Variants in PAPSS1 observed in about 807,000 individuals in gnomAD.
PAPSS1 encodes 3'-phosphoadenosine 5'-phosphosulfate synthase 1.
A neutral mutation model predicts 72.0 loss-of-function variants in PAPSS1; 50 were observed. The ratio of observed to expected loss-of-function variants is 0.69; its 90% confidence interval spans 0.55 to 0.88. The LOEUF (loss-of-function observed/expected upper bound fraction) is 0.88. Among genes scored for constraint, PAPSS1 ranks in the 40% least tolerant of loss-of-function variants. The probability of loss-of-function intolerance (pLI) is 0.00; values close to 1 mark genes in which losing one functional copy is unlikely to be tolerated. For synonymous variants in PAPSS1, 261 were observed against 263.6 expected, an observed-to-expected ratio of 0.99 and a Z score of 0.09; for missense variants, 657 against 782.2, an observed-to-expected ratio of 0.84 and a Z score of 1.91.
intron 2 of PAPSS1, 48 bp downstream of exon 2, chr4:107,701,123 T>C: frequency 8.1e-7 from 1 of 1,239,738 alleles, no homozygotes; most frequent in Non-Finnish European, 1.2e-6. Context: ...CAAGGTTACC[T>C]ATATGCACTG....
intron 4 of PAPSS1, among the ~76,000 whole-genome samples, chr4:107,682,370 G>C (rs1302692259): frequency 6.6e-6 from 1 of 151,912 alleles, no homozygotes; most frequent in Non-Finnish European, 1.5e-5. Context: ...TAAAAAATGT[G>C]ACACCAAATA....
intron 1 of PAPSS1, among the ~76,000 whole-genome samples, chr4:107,708,941 G>C (rs1337003286): frequency 3.3e-5 from 5 of 152,196 alleles, no homozygotes; most frequent in Non-Finnish European, 1.5e-5. Context: ...GTGGCCAACT[G>C]TTCAAACCAT....
chr4:107,716,522 A>C (rs1723642635), intron 1 of PAPSS1, among the ~76,000 whole-genome samples: 1 of 152,182 alleles, frequency 6.6e-6, no homozygotes, highest in African/African-American at 2.4e-5. Flanking sequence ...CTCCACTGTA[A>C]GGCAGGTCCA....
chr4:107,632,352 C>T (rs940976681), intron 10 of PAPSS1, among the ~76,000 whole-genome samples: 1 of 151,708 alleles, frequency 6.6e-6, no homozygotes, highest in African/African-American at 2.4e-5. Context: ...GATATATACA[C>T]ACTTATAATT....
intron 5 of PAPSS1, among the ~76,000 whole-genome samples, chr4:107,666,564 T>C (rs1387483690): frequency 6.6e-6 from 1 of 152,172 alleles, no homozygotes; most frequent in Non-Finnish European, 1.5e-5. Context: ...AATTCTTAAC[T>C]TTATGTAAAG....
At chr4:107,622,210 C>T (rs956916129) in intron 11 of PAPSS1, among the ~76,000 whole-genome samples, 1 of 152,168 alleles carries the variant, frequency 6.6e-6, no homozygotes, top group Admixed American at 6.5e-5. Context: ...AAAAAAATGT[C>T]TTCAACGTAG....
At chr4:107,627,984 T>C (rs1726140256) in intron 11 of PAPSS1, among the ~76,000 whole-genome samples, 2 of 152,228 alleles carry the variant, frequency 1.3e-5, no homozygotes, top group Admixed American at 1.3e-4. Context: ...GTAAAAATGT[T>C]CTAGTTTGTT....
At chr4:107,653,113 G>A (rs1726896780) in intron 9 of PAPSS1, among the ~76,000 whole-genome samples, 1 of 144,414 alleles carries the variant, frequency 6.9e-6, no homozygotes, top group Admixed American at 7.1e-5. Flanking sequence ...GAATATATAT[G>A]AATATATACA....
At chr4:107,647,600 A>T (rs1726728700) in intron 9 of PAPSS1, among the ~76,000 whole-genome samples, 1 of 152,242 alleles carries the variant, frequency 6.6e-6, no homozygotes, top group Non-Finnish European at 1.5e-5. Flanking sequence ...TTTGATGAGA[A>T]AATCATCCAT....
intron 5 of PAPSS1, among the ~76,000 whole-genome samples, chr4:107,668,500 T>C (rs1478579258): frequency 2.6e-5 from 4 of 152,230 alleles, no homozygotes; most frequent in Middle Eastern, 6.8e-3. Context: ...TTTGAGTCAG[T>C]GGGCTAGGAA....
chr4:107,680,058 A>T (rs1727761659), intron 5 of PAPSS1, among the ~76,000 whole-genome samples: 1 of 152,166 alleles, frequency 6.6e-6, no homozygotes, highest in Non-Finnish European at 1.5e-5. Flanking sequence ...AAAGAAACAG[A>T]GCATCTAAAA....
chr4:107,713,136 G>A (rs923603818), intron 1 of PAPSS1, among the ~76,000 whole-genome samples: 1 of 151,878 alleles, frequency 6.6e-6, no homozygotes, highest in African/African-American at 2.4e-5. Context: ...TTTTAGTAGA[G>A]ACGAGGTTTC....
chr4:107,657,556 T>C (rs1030652802), intron 6 of PAPSS1, among the ~76,000 whole-genome samples: 1 of 152,050 alleles, frequency 6.6e-6, no homozygotes, highest in African/African-American at 2.4e-5. Context: ...ACCCAGTCTC[T>C]ACTAAAAATA....
At chr4:107,633,282 T>C (rs975745169) in intron 10 of PAPSS1, among the ~76,000 whole-genome samples, 2 of 152,204 alleles carry the variant, frequency 1.3e-5, no homozygotes, top group African/African-American at 2.4e-5. Context: ...ATTTATCTCA[T>C]AGAAGTTTTA....
Position 107,621,928 on chromosome 4 carries a change from G to A in PAPSS1, c.1737-7541C>T, listed in dbSNP as rs112149986. ...TAGGCGTGAGCCACCGCGCCCAGCC[G>A]GAAGACAGGTTTTTCAGAGTGAGCA... is the stretch of plus-strand genomic sequence containing the variant. On this transcript the variant is annotated intron_variant, in intron 11 of 11. Coordinates refer to ENST00000265174, the MANE Select transcript of PAPSS1 (RefSeq NM_005443.5). 8.7e-3 allele frequency among the ~76,000 whole-genome samples: 1,314 copies of A among 151,874 alleles called. 20 individuals carry two copies. The highest frequency in any genetic ancestry group is 0.028 in the African/African-American group (1,178 of 41,428).
At chr4:107,662,995 C>A (rs1005331395) in intron 5 of PAPSS1, among the ~76,000 whole-genome samples, 5 of 152,058 alleles carry the variant, frequency 3.3e-5, no homozygotes, top group African/African-American at 1.2e-4. Flanking sequence ...TCCAAAGATG[C>A]CTTGAGGCAT....
intron 5 of PAPSS1, among the ~76,000 whole-genome samples, chr4:107,664,930 C>A (rs1212080495): frequency 6.6e-6 from 1 of 152,136 alleles, no homozygotes; most frequent in Non-Finnish European, 1.5e-5. Context: ...AGAAGCATTT[C>A]ATAAAACTCT....
chr4:107,671,368 C>T (rs951126108), intron 5 of PAPSS1, among the ~76,000 whole-genome samples: 1 of 150,906 alleles, frequency 6.6e-6, no homozygotes, highest in Non-Finnish European at 1.5e-5. Context: ...CTAAATAGGG[C>T]CCCAAAGAAG....
At chr4:107,656,775 T>G in intron 7 of PAPSS1, 121 bp downstream of exon 7, 1 of 692,452 alleles carries the variant, frequency 1.4e-6, no homozygotes, top group Non-Finnish European at 2.6e-6. Flanking sequence ...TATAACTTAG[T>G]CTTATAATGC....
Sources: allele counts gnomAD v4.1 joint callset (sites outside exome capture counted in the v4.1 genomes callset), GRCh38; gene constraint gnomAD v4.1.1; transcripts MANE v1.5; gene names NCBI Gene and HGNC (gene_info 2026-07-23, HGNC 2026-07-21).